NFILZ: variants seen among roughly 807,000 people sequenced by gnomAD.
NFILZ encodes NFIL3 like protein.
chr19:8,654,681 A>AT (rs1266631561), intron 3 of NFILZ, among the ~76,000 whole-genome samples: 4 of 152,184 alleles, frequency 2.6e-5, no homozygotes, highest in African/African-American at 9.7e-5. Context: ...AAAGAAATAA[A>AT]TATCTGTTGA....
At chr19:8,657,052 T>G (rs1292145148) in intron 3 of NFILZ, among the ~76,000 whole-genome samples, 1 of 151,974 alleles carries the variant, frequency 6.6e-6, no homozygotes, top group Admixed American at 6.6e-5. Flanking sequence ...GGCTCTGCTG[T>G]TGAAAGGAGT....
chr19:8,647,783 GCGCGCGCGCGCGCACACA>G (rs2042946531), intron 3 of NFILZ, among the ~76,000 whole-genome samples: 1 of 40,832 alleles, frequency 2.4e-5, no homozygotes, highest in Admixed American at 2.4e-4. Context: ...ACACATGCGC[GCGCGCGCGCGCGCACACA>G]CACACACACA....
rs2043000101 is a variant in NFILZ, at chr19:8,656,424, T to TCCC, written c.-163-18127_-163-18126insCCC. Among the ~76,000 whole-genome samples, 3 of 83,572 alleles carry TCCC rather than the reference T, an allele frequency of 3.6e-5. 1 individual carries two copies. Among genetic ancestry groups the TCCC allele is most frequent in the Admixed American group, 1.3e-4 (1 of 7,878 alleles). The allele number at this position is 83,572 out of a possible 152,430, so 54.8% of individuals were successfully genotyped here. On this transcript the variant is annotated intron_variant, in intron 3 of 5. Transcript: ENST00000691075. ...CACCTTCTCTCTGAAACCCACCTCT[T>TCCC]TCCGCAGCCCACCTTCTCCTCGAAG... is the stretch of plus-strand genomic sequence containing the variant.
rs2043142769 is a variant in NFILZ, at chr19:8,680,745, T to C, written c.*3110T>C. Among the ~76,000 whole-genome samples, 1 of 151,910 alleles carries C rather than the reference T, an allele frequency of 6.6e-6. No homozygotes were observed. The highest frequency in any genetic ancestry group is 1.5e-5 in the Non-Finnish European group (1 of 67,990). On this transcript the variant is annotated 3_prime_UTR_variant, in exon 6 of 6. Transcript: ENST00000691075. ...TGAAATAGGGAGATCAGGATTGAAA[T>C]AGGGGGATCTCAGCCTTGCTGAGAA...
chr19:8,663,728 G>GTGTGTGTGTATGTGTGTGTGTGTGTA (rs1555749438), intron 3 of NFILZ, among the ~76,000 whole-genome samples: 68 of 74,206 alleles, frequency 9.2e-4, no homozygotes, highest in Non-Finnish European at 1.3e-3. Context: ...GTGTTTGTGT[G>GTGTGTGTGTATGTGTGTGTGTGTGTA]TGTGTGTGTG....
chr19:8,638,293 G>T (rs142960144), intron 3 of NFILZ, among the ~76,000 whole-genome samples: 5 of 152,152 alleles, frequency 3.3e-5, no homozygotes, highest in Non-Finnish European at 7.3e-5. Flanking sequence ...TTACACGTGC[G>T]TTCATGAGTG....
intron 3 of NFILZ, among the ~76,000 whole-genome samples, chr19:8,644,788 T>C (rs1215739190): frequency 6.7e-6 from 1 of 149,490 alleles, no homozygotes; most frequent in Non-Finnish European, 1.5e-5. Context: ...TTTTTTTGAC[T>C]GAGTTTTCGC....
chr19:8,647,918 A>T (rs2042948781), intron 3 of NFILZ, among the ~76,000 whole-genome samples: 1 of 151,474 alleles, frequency 6.6e-6, no homozygotes, highest in Non-Finnish European at 1.5e-5. Flanking sequence ...CGTGCCTGTA[A>T]TCCCAGCACT....
chr19:8,669,932 G>A (rs1325357900), intron 3 of NFILZ, among the ~76,000 whole-genome samples: 1 of 152,214 alleles, frequency 6.6e-6, no homozygotes, highest in Non-Finnish European at 1.5e-5. Context: ...GGAAATGTCA[G>A]TGTCAATTCC....
In NFILZ at chr19:8,678,058, A is replaced by T; in HGVS notation, c.*423A>T. Among the ~76,000 whole-genome samples, 5 of 14,394 alleles carry T rather than the reference A, an allele frequency of 3.5e-4. No individual in the cohort carries two copies. Among genetic ancestry groups the T allele is most frequent in the East Asian group, 2.3e-3 (1 of 426 alleles). 9.4% of individuals were successfully genotyped at this position (14,394 alleles called of 152,430 possible). A position where few individuals can be genotyped will look rare whatever the true frequency, so the allele number is the denominator to read the frequency against. The stretch of plus-strand genomic sequence containing the variant: ...CATCCATCCATCCATCCATCCACCC[A>T]TCTATTCATCCATCCATCAATCCAT... On this transcript the variant is annotated 3_prime_UTR_variant, in exon 6 of 6. Coordinates refer to ENST00000691075, the MANE Select transcript of NFILZ (RefSeq NM_001378600.1).
intron 3 of NFILZ, among the ~76,000 whole-genome samples, chr19:8,637,644 C>T (rs546270633): frequency 2.4e-4 from 35 of 148,254 alleles, no homozygotes; most frequent in Non-Finnish European, 3.4e-4. Flanking sequence ...CAGTGGCTCA[C>T]GCCTGTAATT....
chr19:8,678,106 C>CACCCATTCATTAGTTT lies in NFILZ; in HGVS notation c.*472_*473insCCCATTCATTAGTTTA, dbSNP rs2146177335. On this transcript the variant is annotated 3_prime_UTR_variant, in exon 6 of 6. Coordinates refer to ENST00000691075, the MANE Select transcript of NFILZ (RefSeq NM_001378600.1). Reference sequence around the variant, plus strand: ...CATCCATCCATTCCATCCATCCATCCATCCATCCATCCATCCATCCCTCCA... The same window carrying CACCCATTCATTAGTTT: ...CATCCATCCATTCCATCCATCCATCCACCCATTCATTAGTTTATCCATCCATCCATCCATCCCTCCA... 2.7e-4 allele frequency among the ~76,000 whole-genome samples: 40 copies of CACCCATTCATTAGTTT among 150,354 alleles called. No homozygotes were observed. Among genetic ancestry groups the CACCCATTCATTAGTTT allele is most frequent in the African/African-American group, 6.6e-4 (27 of 40,936 alleles).
At chr19:8,671,215 C>A (rs1816885399) in intron 3 of NFILZ, among the ~76,000 whole-genome samples, 1 of 152,014 alleles carries the variant, frequency 6.6e-6, no homozygotes, top group Admixed American at 6.6e-5. Flanking sequence ...TGAGAGAGAC[C>A]CTTTTCCTGT....
intron 3 of NFILZ, among the ~76,000 whole-genome samples, chr19:8,651,112 T>A (rs140436724): frequency 3.9e-5 from 6 of 152,326 alleles, no homozygotes; most frequent in Non-Finnish European, 5.9e-5. Flanking sequence ...AAACATTTAT[T>A]TGTGTTAGGA....
intron 3 of NFILZ, among the ~76,000 whole-genome samples, chr19:8,662,197 T>C (rs112885461): frequency 0.96 from 141,984 of 148,664 alleles, 67,990 homozygotes; most frequent in Non-Finnish European, 1. Flanking sequence ...AGAGCAAGAC[T>C]CTGTCTTAAA....
intron 3 of NFILZ, among the ~76,000 whole-genome samples, chr19:8,667,291 C>T (rs577035608): frequency 6.6e-6 from 1 of 152,332 alleles, no homozygotes; most frequent in African/African-American, 2.4e-5. Context: ...AAGCTCCAAG[C>T]TCTAGTTCCA....
intron 3 of NFILZ, among the ~76,000 whole-genome samples, chr19:8,657,177 A>T (rs1193356739): frequency 1.3e-5 from 2 of 148,426 alleles, no homozygotes; most frequent in Non-Finnish European, 3.0e-5. Context: ...ACGGAGTCTC[A>T]CTCTGTCACC....
chr19:8,654,318 GAA>G (rs146670629), intron 3 of NFILZ, among the ~76,000 whole-genome samples: 1 of 92,816 alleles, frequency 1.1e-5, no homozygotes, highest in African/African-American at 4.0e-5. Flanking sequence ...AAAAGCTACT[GAA>G]AAAAAAAAAA....
At position 8,640,602 on chromosome 19, in the gene NFILZ, G is replaced by A. The variant is rs117528680; in HGVS notation, c.-164+4856G>A. On this transcript the variant is annotated intron_variant, in intron 3 of 5. Transcript: ENST00000691075. ...TGGCACAGTCCAGAAAAATTGAGGC[G>A]GCGACACGATGAGAGACAGCAACCC... Among the ~76,000 whole-genome samples, 996 of 152,074 alleles carry A rather than the reference G, an allele frequency of 6.5e-3. 9 individuals carry two copies. The highest frequency in any genetic ancestry group is 0.014 in the Middle Eastern group (4 of 294).
Sources: allele counts gnomAD v4.1 joint callset (sites outside exome capture counted in the v4.1 genomes callset), GRCh38; gene constraint gnomAD v4.1.1; transcripts MANE v1.5; gene names NCBI Gene and HGNC (gene_info 2026-07-23, HGNC 2026-07-21).